Variants in SLC5A4 observed in about 807,000 individuals in gnomAD.
SLC5A4 encodes the protein probable glucose sensor protein SLC5A4.
Under a neutral mutation model 70.3 loss-of-function variants are expected in SLC5A4, and 55 were observed. The observed-to-expected ratio is 0.78, with a 90% confidence interval of 0.63 to 0.98. The LOEUF (loss-of-function observed/expected upper bound fraction) is 0.98, where lower values mean the gene tolerates loss of function less well. Among genes scored for constraint, SLC5A4 ranks in the 50% least tolerant of loss-of-function variants. The probability of loss-of-function intolerance (pLI) is 0.00; values close to 1 mark genes in which losing one functional copy is unlikely to be tolerated. For missense variants in SLC5A4, 735 were observed against 839.2 expected (o/e 0.88, Z 1.53); for synonymous variants, 268 against 305.7 (o/e 0.88, Z 1.29).
At chr22:32,245,810 C>A (rs903084083) in intron 5 of SLC5A4, among the ~76,000 whole-genome samples, 4 of 152,198 alleles carry the variant, frequency 2.6e-5, no homozygotes, top group African/African-American at 7.2e-5. Context: ...TGAGCCACTG[C>A]GCCCGGCCTG....
At chr22:32,333,147 G>A in the SLC5A4 span, among the ~76,000 whole-genome samples, 1 of 151,748 alleles carries the variant, frequency 6.6e-6, no homozygotes, top group South Asian at 2.1e-4. Flanking sequence ...GTGTAGGAGT[G>A]GAATGAGGTG....
At chr22:32,301,270 G>C in the SLC5A4 span, among the ~76,000 whole-genome samples, 2 of 152,082 alleles carry the variant, frequency 1.3e-5, no homozygotes, top group African/African-American at 4.8e-5. Flanking sequence ...CACATATTCA[G>C]TTTCTAAAGA....
At chr22:32,280,831 T>C in the SLC5A4 span, among the ~76,000 whole-genome samples, 1 of 152,142 alleles carries the variant, frequency 6.6e-6, no homozygotes, top group Non-Finnish European at 1.5e-5. Context: ...GAGGGTGCAT[T>C]AGAGAGACAA....
chr22:32,252,221 C>T (rs1382160129), intron 2 of SLC5A4, among the ~76,000 whole-genome samples: 1 of 145,102 alleles, frequency 6.9e-6, no homozygotes, highest in Non-Finnish European at 1.5e-5. Context: ...CAGAGCAAGA[C>T]TCTGTCTCAA....
In SLC5A4 at chr22:32,225,842, A is replaced by G; in HGVS notation, c.1281-19T>C. The G allele has an allele frequency of 6.4e-7, 1 of 1,555,108 alleles. No individual in the cohort carries two copies. The highest frequency in any genetic ancestry group is 8.8e-7 in the Non-Finnish European group (1 of 1,139,740). On this transcript the variant is annotated intron_variant, in intron 11 of 14. Transcript: ENST00000266086. Reference sequence around the variant, plus strand: ...AAATATCCTGAGAAGAAAACAACATAATTTAAACATTAAACAAAAGCACTA... The same window carrying G: ...AAATATCCTGAGAAGAAAACAACATGATTTAAACATTAAACAAAAGCACTA...
At chr22:32,270,673 C>T in the SLC5A4 span, 1 of 705,682 alleles carries the variant, frequency 1.4e-6, no homozygotes, top group Non-Finnish European at 2.6e-6. Context: ...AGTGTCGCTG[C>T]TGGGCATCCA....
chr22:32,221,500 C>T (rs1057040833), intron 13 of SLC5A4, among the ~76,000 whole-genome samples: 1 of 152,146 alleles, frequency 6.6e-6, no homozygotes, highest in African/African-American at 2.4e-5. Flanking sequence ...GCAATTAGTA[C>T]CCTTACACAC....
the SLC5A4 span, among the ~76,000 whole-genome samples, chr22:32,308,583 C>T: frequency 1.3e-5 from 2 of 152,222 alleles, no homozygotes; most frequent in African/African-American, 4.8e-5. Context: ...TGTTAACCCC[C>T]ATTCCTGGCT....
At chr22:32,324,577 G>A in the SLC5A4 span, among the ~76,000 whole-genome samples, 48 of 152,092 alleles carry the variant, frequency 3.2e-4, no homozygotes, top group African/African-American at 5.8e-4. Context: ...CTCACTGGGC[G>A]CCCCTTCAGC....
chr22:32,283,451 A>G, the SLC5A4 span, among the ~76,000 whole-genome samples: 1 of 152,284 alleles, frequency 6.6e-6, no homozygotes, highest in Admixed American at 6.5e-5. Context: ...CACCATTAAC[A>G]TTTTCTCCAT....
At chr22:32,327,442 G>C in the SLC5A4 span, 12,547 of 152,408 alleles carry the variant, frequency 0.082, 845 homozygotes, top group East Asian at 0.33. Context: ...CCTTCACTGG[G>C]AGGAAAGCAG....
the SLC5A4 span, chr22:32,271,660 G>T: frequency 1.7e-6 from 1 of 597,344 alleles, no homozygotes. Flanking sequence ...ACTGGCTCCT[G>T]GCGACAGACT....
the SLC5A4 span, among the ~76,000 whole-genome samples, chr22:32,331,079 AAGGCTCTGGTGTGTGTGTGTTGG>A: frequency 2.5e-4 from 4 of 16,312 alleles, no homozygotes; most frequent in African/African-American, 7.6e-4. Context: ...GTATGTGTTG[AAGGCTCTGGTGTGTGTGTGTTGG>A]AGGCTCTTGT....
chr22:32,251,622 G>T (rs1927164989), intron 3 of SLC5A4, 148 bp downstream of exon 3: 3 of 611,804 alleles, frequency 4.9e-6, no homozygotes, highest in Admixed American at 5.5e-5. Context: ...CTCAGCCCTT[G>T]CACTTCCCAG....
intron 9 of SLC5A4, among the ~76,000 whole-genome samples, chr22:32,231,446 T>G (rs1925758092): frequency 6.6e-6 from 1 of 152,262 alleles, no homozygotes; most frequent in South Asian, 2.1e-4. Flanking sequence ...AGGTCCTGTG[T>G]GCAGTCACAT....
chr22:32,283,532 A>G, the SLC5A4 span, among the ~76,000 whole-genome samples: 8 of 152,196 alleles, frequency 5.3e-5, no homozygotes, highest in Admixed American at 2.0e-4. Context: ...GCCAATTCCC[A>G]TGGTATATAT....
At chr22:32,275,277 GGTTT>G in the SLC5A4 span, among the ~76,000 whole-genome samples, 1 of 152,088 alleles carries the variant, frequency 6.6e-6, no homozygotes, top group Non-Finnish European at 1.5e-5. Flanking sequence ...ACAACGTGCA[GGTTT>G]GTTACATATG....
At chr22:32,230,498 C>A (rs1925685487) in intron 10 of SLC5A4, among the ~76,000 whole-genome samples, 4 of 152,192 alleles carry the variant, frequency 2.6e-5, no homozygotes, top group Admixed American at 1.3e-4. Context: ...ACTTAGTAGG[C>A]ACTCAATAAA....
chr22:32,271,283 C>T, the SLC5A4 span: 1 of 754,618 alleles, frequency 1.3e-6, no homozygotes, highest in Non-Finnish European at 2.3e-6. Flanking sequence ...GAGCCCACCA[C>T]ACAGGGCGAG....
Sources: gnomAD v4.1 joint callset for allele counts (sites outside exome capture counted in the v4.1 genomes callset) on GRCh38, gnomAD v4.1.1 for gene constraint, MANE v1.5 for transcripts, NCBI Gene and HGNC (gene_info 2026-07-23, HGNC 2026-07-21) for gene names.